Variants in BRSK2 observed in about 807,000 individuals in gnomAD.
BRSK2 encodes BR serine/threonine kinase 2.
In BRSK2, 19 loss-of-function variants were observed where a neutral mutation model predicts 83.3. The ratio of observed to expected loss-of-function variants is 0.23; its 90% confidence interval spans 0.16 to 0.33. BRSK2 has a LOEUF of 0.33. Among genes scored for constraint, BRSK2 ranks in the 10% least tolerant of loss-of-function variants. The probability of loss-of-function intolerance (pLI) is 1.00; values close to 1 mark genes in which losing one functional copy is unlikely to be tolerated. For synonymous variants in BRSK2, 519 were observed against 435.4 expected (o/e 1.19, Z -2.39); for missense variants, 798 against 1,042.3 (o/e 0.77, Z 3.23).
chr11:1,416,891 T>G (rs779098236), intron 1 of BRSK2, among the ~76,000 whole-genome samples: 36 of 152,278 alleles, frequency 2.4e-4, no homozygotes, highest in Non-Finnish European at 4.3e-4. Context: ...CCAGGCGCGG[T>G]GGCTCATGCC....
chr11:1,456,446 C>T lies in BRSK2; in HGVS notation c.1767C>T (p.Phe589=), dbSNP rs762641396. ...CCGTGTTCCAGAAGCCGGTCAAGTT[C>T]CAGGTTGATATCACCTACACGGAGG... ...GPAVFQKPVK[F]QVDITYTEGG... is the part of the protein sequence containing the mutation. The change falls in exon 17 of 20, where the codon TTC becomes TTT. Residue 589 remains phenylalanine (F), a synonymous_variant. Coordinates refer to ENST00000528841, the MANE Select transcript of BRSK2 (RefSeq NM_001256627.2). 5.7e-6 allele frequency: 9 copies of T among 1,591,548 alleles called. No individual in the cohort carries two copies. The highest frequency in any genetic ancestry group is 7.7e-6 in the Non-Finnish European group (9 of 1,169,598).
intron 13 of BRSK2, 102 bp from the exon 14 acceptor site, chr11:1,450,484 TC>T: frequency 1.6e-6 from 1 of 616,210 alleles, no homozygotes; most frequent in Admixed American, 3.5e-5. Flanking sequence ...CTGGCCTTTG[TC>T]CCCAGCTGGC....
At position 1,460,951 on chromosome 11, in the gene BRSK2, G is replaced by C. The variant is rs549505055; in HGVS notation, c.*228G>C. 4 of 1,612,494 alleles carry C rather than the reference G, an allele frequency of 2.5e-6. No homozygotes were observed. The South Asian group carries it at 4.4e-5, about 18-fold the overall frequency. ...CTGCCTGTCTCTGACAGCATCGCTT[G>C]TTTCCACTCTGATACCAGGAATTAT... On this transcript the variant is annotated 3_prime_UTR_variant, in exon 20 of 20. Transcript: ENST00000528841.
At chr11:1,418,105 C>G (rs559260643) in intron 1 of BRSK2, among the ~76,000 whole-genome samples, 1 of 145,364 alleles carries the variant, frequency 6.9e-6, no homozygotes, top group African/African-American at 2.6e-5. Flanking sequence ...ACACTGTGTC[C>G]TGCTTCTGTT....
intron 1 of BRSK2, among the ~76,000 whole-genome samples, chr11:1,406,052 CTGTT>C (rs779647533): frequency 6.6e-6 from 1 of 152,162 alleles, no homozygotes. Flanking sequence ...GCTCCTCACA[CTGTT>C]TGTTGCCCGC....
chr11:1,448,335 A>G (rs1852464792), intron 12 of BRSK2, among the ~76,000 whole-genome samples: 1 of 152,118 alleles, frequency 6.6e-6, no homozygotes, highest in Non-Finnish European at 1.5e-5. Flanking sequence ...CGCCGCCCCC[A>G]AGGCTGCAGT....
At chr11:1,407,045 G>A (rs917129846) in intron 1 of BRSK2, among the ~76,000 whole-genome samples, 1 of 152,146 alleles carries the variant, frequency 6.6e-6, no homozygotes, top group African/African-American at 2.4e-5. Flanking sequence ...GGCTCCTAGG[G>A]TTTCCCAGGG....
chr11:1,450,496 A>G (rs892881472), intron 13 of BRSK2, 91 bp from the exon 14 acceptor site: 39 of 639,974 alleles, frequency 6.1e-5, no homozygotes, highest in Middle Eastern at 2.9e-4. Flanking sequence ...CCCAGCTGGC[A>G]CCACCCCTGG....
chr11:1,422,093 G>C (rs1188590102), intron 1 of BRSK2, among the ~76,000 whole-genome samples: 1 of 152,146 alleles, frequency 6.6e-6, no homozygotes, highest in African/African-American at 2.4e-5. Flanking sequence ...TCGAGGCGGG[G>C]TCAGAGCCAA....
Position 1,451,361 on chromosome 11 carries a change from GT to G in BRSK2, c.1496-9del. The stretch of plus-strand genomic sequence containing the variant: ...CCACGCCTTTCCTCCTGTTCATCCT[GT>G]GTGCACAGTTCCGACGCCGGAGGAG... On this transcript the variant is annotated splice_polypyrimidine_tract_variant and intron_variant, in intron 14 of 19. Coordinates refer to ENST00000528841, the MANE Select transcript of BRSK2 (RefSeq NM_001256627.2). The G allele has an allele frequency of 6.2e-7, 1 of 1,612,956 alleles. No individual in the cohort carries two copies. Among genetic ancestry groups the G allele is most frequent in the Non-Finnish European group, 8.5e-7 (1 of 1,179,870 alleles).
intron 12 of BRSK2, chr11:1,447,987 A>G: frequency 1.0e-6 from 1 of 992,546 alleles, no homozygotes; most frequent in African/African-American, 1.6e-5. Flanking sequence ...GCTGCGGTGA[A>G]GCCAGCCAGC....
chr11:1,424,817 A>G (rs28540254), intron 1 of BRSK2, among the ~76,000 whole-genome samples: 53,265 of 148,956 alleles, frequency 0.36, 10,278 homozygotes, highest in African/African-American at 0.49. Context: ...CCTGGGACCT[A>G]CTGGCGGGGG....
intron 16 of BRSK2, 50 bp from the exon 17 acceptor site, chr11:1,456,298 A>AGGGT: frequency 1.3e-6 from 2 of 1,490,378 alleles, no homozygotes; most frequent in Non-Finnish European, 1.8e-6. Flanking sequence ...CCAGAGGGCC[A>AGGGT]GGGTGGGACC....
chr11:1,458,900 GC>G (rs1204505885), intron 18 of BRSK2, among the ~76,000 whole-genome samples: 12 of 152,170 alleles, frequency 7.9e-5, no homozygotes, highest in African/African-American at 2.9e-4. Flanking sequence ...CAGGGCACCG[GC>G]CATATCCAGG....
At chr11:1,399,865 T>C (rs1004432320) in intron 1 of BRSK2, among the ~76,000 whole-genome samples, 2 of 151,702 alleles carry the variant, frequency 1.3e-5, no homozygotes, top group African/African-American at 4.9e-5. Flanking sequence ...TCCCGAGGCT[T>C]TTCTGGGATG....
At chr11:1,427,747 G>C (rs151000973) in intron 1 of BRSK2, among the ~76,000 whole-genome samples, 2 of 152,214 alleles carry the variant, frequency 1.3e-5, no homozygotes, top group African/African-American at 4.8e-5. Context: ...TGGAAAATAA[G>C]CCACAGTGAG....
At chr11:1,426,080 C>T (rs544718932) in intron 1 of BRSK2, among the ~76,000 whole-genome samples, 10 of 152,330 alleles carry the variant, frequency 6.6e-5, no homozygotes, top group South Asian at 2.1e-4. Flanking sequence ...AGCCTGTGCG[C>T]GCCCATTCAG....
At chr11:1,409,041 TCTGC>T (rs1283138891) in intron 1 of BRSK2, among the ~76,000 whole-genome samples, 1 of 152,276 alleles carries the variant, frequency 6.6e-6, no homozygotes, top group East Asian at 1.9e-4. Flanking sequence ...TGTATGTGTG[TCTGC>T]CTGTACAGGG....
intron 15 of BRSK2, chr11:1,453,838 T>A (rs922585280): frequency 6.6e-6 from 1 of 152,292 alleles, no homozygotes; most frequent in Admixed American, 6.5e-5. Context: ...GCGTGCCACC[T>A]CTGAACAGCC....
Sources: gnomAD v4.1 joint callset for allele counts (sites outside exome capture counted in the v4.1 genomes callset) on GRCh38, gnomAD v4.1.1 for gene constraint, MANE v1.5 for transcripts, NCBI Gene and HGNC (gene_info 2026-07-23, HGNC 2026-07-21) for gene names.